The following DYNC2I1 variants were observed in gnomAD, a reference collection of about 807,000 sequenced individuals.
DYNC2I1 encodes the protein cytoplasmic dynein 2 intermediate chain 1.
DYNC2I1 carries 89 observed loss-of-function variants against 133.4 expected under a neutral mutation model. The ratio of observed to expected loss-of-function variants is 0.67; its 90% confidence interval spans 0.56 to 0.80. The LOEUF (loss-of-function observed/expected upper bound fraction) is 0.80. DYNC2I1 is among the 30% of genes least tolerant of loss of function. The pLI is 0.00. For synonymous variants in DYNC2I1, 504 were observed against 484.3 expected, an observed-to-expected ratio of 1.04 and a Z score of -0.54; for missense variants, 1,291 against 1,314.5, an observed-to-expected ratio of 0.98 and a Z score of 0.28.
At chr7:158,866,155 T>C (rs1842383924) in intron 1 of DYNC2I1, among the ~76,000 whole-genome samples, 1 of 152,162 alleles carries the variant, frequency 6.6e-6, no homozygotes, top group African/African-American at 2.4e-5. Context: ...ACTTTTCACA[T>C]TCTGAGCTAG....
intron 3 of DYNC2I1, 103 bp downstream of exon 3, chr7:158,871,665 C>T (rs1842897338): frequency 7.8e-7 from 1 of 1,280,976 alleles, no homozygotes; most frequent in African/African-American, 1.5e-5. Context: ...CCCCCGCTTC[C>T]CTCCTTCCCC....
chr7:158,909,840 T>C (rs1362316837), intron 11 of DYNC2I1, among the ~76,000 whole-genome samples: 1 of 152,142 alleles, frequency 6.6e-6, no homozygotes, highest in Admixed American at 6.5e-5. Context: ...AAATGGAAGT[T>C]GAGAGCCTTC....
chr7:158,905,946 A>C, intron 10 of DYNC2I1, 43 bp from the exon 11 acceptor site: 2 of 1,518,982 alleles, frequency 1.3e-6, no homozygotes, highest in South Asian at 1.2e-5. Flanking sequence ...CTTGGAAGAC[A>C]TATTTCCGTG....
chr7:158,932,000 C>G (rs765505137), intron 21 of DYNC2I1, among the ~76,000 whole-genome samples: 3 of 152,146 alleles, frequency 2.0e-5, no homozygotes, highest in Non-Finnish European at 4.4e-5. Flanking sequence ...AGAGGAGGAG[C>G]TGAGCTGTGA....
intron 24 of DYNC2I1, among the ~76,000 whole-genome samples, chr7:158,943,416 G>T (rs1851570498): frequency 1.3e-5 from 2 of 152,166 alleles, no homozygotes; most frequent in Admixed American, 6.5e-5. Context: ...TGAACGAGGG[G>T]GTCCCGAAAT....
chr7:158,898,061 C>A (rs1352607886), intron 8 of DYNC2I1, among the ~76,000 whole-genome samples: 2 of 152,092 alleles, frequency 1.3e-5, no homozygotes, highest in Non-Finnish European at 2.9e-5. Context: ...AGTTATTTTT[C>A]TGTTACTGAT....
chr7:158,848,837 T>C, the DYNC2I1 span, among the ~76,000 whole-genome samples: 1 of 151,488 alleles, frequency 6.6e-6, no homozygotes, highest in African/African-American at 2.4e-5. Context: ...GGCAGGAGAA[T>C]GGCGTGAATC....
intron 4 of DYNC2I1, among the ~76,000 whole-genome samples, chr7:158,877,654 G>A (rs1843491705): frequency 6.6e-6 from 1 of 152,068 alleles, no homozygotes; most frequent in Non-Finnish European, 1.5e-5. Context: ...CAGGTTTACT[G>A]TCTTTTGTTA....
At chr7:158,885,462 C>T (rs935725151) in intron 6 of DYNC2I1, among the ~76,000 whole-genome samples, 1 of 152,022 alleles carries the variant, frequency 6.6e-6, no homozygotes, top group African/African-American at 2.4e-5. Context: ...CTGCCTCAGC[C>T]TCCCAAGTAG....
chr7:158,937,852 A>G (rs191005573), intron 23 of DYNC2I1, among the ~76,000 whole-genome samples: 1 of 151,446 alleles, frequency 6.6e-6, no homozygotes, highest in African/African-American at 2.4e-5. Flanking sequence ...GTGAGCCCTG[A>G]TTGTGCCATT....
chr7:158,884,436 A>T (rs367705095), intron 5 of DYNC2I1, 128 bp from the exon 6 acceptor site: 18 of 663,168 alleles, frequency 2.7e-5, no homozygotes, highest in Middle Eastern at 5.5e-4. Flanking sequence ...TTATTTTAAA[A>T]GGTACTTGTG....
chr7:158,905,967 A>C, intron 10 of DYNC2I1, 22 bp from the exon 11 acceptor site: 1 of 1,588,126 alleles, frequency 6.3e-7, no homozygotes, highest in Non-Finnish European at 8.6e-7. Flanking sequence ...TTGGAAAAAT[A>C]GTGTTTTTCT....
chr7:158,941,873 T>A (rs1236380516), intron 23 of DYNC2I1, 52 bp from the exon 24 acceptor site: 1 of 1,544,860 alleles, frequency 6.5e-7, no homozygotes, highest in East Asian at 2.4e-5. Context: ...TGAGACCCTG[T>A]CTCAAAAAGA....
At chr7:158,910,226 G>A (rs530324318) in intron 11 of DYNC2I1, among the ~76,000 whole-genome samples, 10 of 152,402 alleles carry the variant, frequency 6.6e-5, no homozygotes, top group African/African-American at 2.4e-4. Flanking sequence ...AACTGTTTGT[G>A]AAGCAAGAGG....
At chr7:158,848,880 G>A in the DYNC2I1 span, among the ~76,000 whole-genome samples, 40,604 of 150,910 alleles carry the variant, frequency 0.27, 7,946 homozygotes, top group East Asian at 0.69. Flanking sequence ...CTGAGATTGC[G>A]CCACTGCACT....
intron 14 of DYNC2I1, among the ~76,000 whole-genome samples, chr7:158,915,789 T>G (rs1848140187): frequency 2.1e-5 from 3 of 145,732 alleles, no homozygotes; most frequent in South Asian, 4.3e-4. Flanking sequence ...TAAGGATGAT[T>G]GTGAAACGTC....
At chr7:158,923,777 C>T (rs769912998) in intron 17 of DYNC2I1, 44 bp downstream of exon 17, 3 of 1,579,294 alleles carry the variant, frequency 1.9e-6, no homozygotes, top group South Asian at 2.3e-5. Context: ...CTAGAAAAGC[C>T]ACACGGATTT....
chr7:158,900,736 T>TG lies in DYNC2I1; in HGVS notation c.1060-1003_1060-1002insG, dbSNP rs1331477530. ...GTTCTTGGATATTTTGTTCTGTTTT[T>TG]TTTTTTTTTTTTTCCTTCCCGCTTT... On this transcript the variant is annotated intron_variant, in intron 8 of 24. Transcript: ENST00000407559. Among the ~76,000 whole-genome samples, 7 of 151,508 alleles carry TG rather than the reference T, an allele frequency of 4.6e-5. No homozygotes were observed. The East Asian group carries it at 1.4e-3, about 29-fold the overall frequency.
chr7:158,948,655 A>C (rs1000966254), downstream of DYNC2I1, among the ~76,000 whole-genome samples: 1 of 152,112 alleles, frequency 6.6e-6, no homozygotes, highest in Non-Finnish European at 1.5e-5. Flanking sequence ...GTACAAGCGC[A>C]ACTGGATATG....
Sources: allele counts gnomAD v4.1 joint callset (sites outside exome capture counted in the v4.1 genomes callset), GRCh38; gene constraint gnomAD v4.1.1; transcripts MANE v1.5; gene names NCBI Gene and HGNC (gene_info 2026-07-23, HGNC 2026-07-21).